SRBD1: variants seen among roughly 807,000 people sequenced by gnomAD.
SRBD1 encodes S1 RNA-binding domain-containing protein 1.
In SRBD1, 88 loss-of-function variants were observed where a neutral mutation model predicts 115.3. That is an observed-to-expected ratio of 0.76 (90% CI 0.64 to 0.91). SRBD1 has a LOEUF of 0.91. Ranked by LOEUF, SRBD1 falls within the 40% of genes least tolerant of loss-of-function variation. SRBD1 has a pLI of 0.00. For missense variants in SRBD1, 1,385 were observed against 1,177.4 expected (o/e 1.18, Z -2.58); for synonymous variants, 509 against 407.7 (o/e 1.25, Z -2.99).
intron 4 of SRBD1, among the ~76,000 whole-genome samples, chr2:45,597,931 C>G (rs761966563): frequency 6.6e-6 from 1 of 152,148 alleles, no homozygotes; most frequent in African/African-American, 2.4e-5. Context: ...ACTTCACAGT[C>G]TAAAACTTCT....
chr2:45,568,562 C>T (rs188153646), intron 9 of SRBD1, among the ~76,000 whole-genome samples: 103 of 152,252 alleles, frequency 6.8e-4, no homozygotes, highest in African/African-American at 2.4e-3. Flanking sequence ...GCTCTGCTTT[C>T]CCAGGCCTGA....
At chr2:45,591,583 G>C (rs1673726215) in intron 4 of SRBD1, among the ~76,000 whole-genome samples, 1 of 152,186 alleles carries the variant, frequency 6.6e-6, no homozygotes, top group South Asian at 2.1e-4. Flanking sequence ...GATCAGGTGA[G>C]AAATGGAAAG....
chr2:45,526,278 G>C (rs938942167), intron 14 of SRBD1, among the ~76,000 whole-genome samples: 3 of 152,014 alleles, frequency 2.0e-5, no homozygotes, highest in Non-Finnish European at 2.9e-5. Flanking sequence ...CCATAAAAAG[G>C]AATGAAGTTC....
intron 19 of SRBD1, among the ~76,000 whole-genome samples, chr2:45,410,023 C>T (rs1468367544): frequency 6.6e-6 from 1 of 152,074 alleles, no homozygotes; most frequent in Non-Finnish European, 1.5e-5. Flanking sequence ...ATTTTTATAT[C>T]TGCAGAATAT....
intron 10 of SRBD1, among the ~76,000 whole-genome samples, chr2:45,557,011 T>C (rs1018425508): frequency 2.0e-5 from 3 of 152,158 alleles, no homozygotes; most frequent in Admixed American, 2.0e-4. Flanking sequence ...GTTTTTTTAA[T>C]GAATTGTAGT....
chr2:45,406,048 T>C (rs942767582), intron 19 of SRBD1, among the ~76,000 whole-genome samples: 3 of 152,064 alleles, frequency 2.0e-5, no homozygotes, highest in Admixed American at 2.0e-4. Flanking sequence ...CAAGAGACAG[T>C]TAGTTATAAA....
chr2:45,578,796 T>C (rs1379389491), intron 7 of SRBD1, among the ~76,000 whole-genome samples: 1 of 152,144 alleles, frequency 6.6e-6, no homozygotes, highest in African/African-American at 2.4e-5. Context: ...GGGCTACAGT[T>C]AATAATATCG....
chr2:45,577,493 G>A (rs7578344), intron 7 of SRBD1, among the ~76,000 whole-genome samples: 13,309 of 152,014 alleles, frequency 0.088, 1,082 homozygotes, highest in African/African-American at 0.22. Flanking sequence ...CACTTTCTCC[G>A]CACTTAAGCT....
intron 7 of SRBD1, among the ~76,000 whole-genome samples, chr2:45,579,494 C>T (rs912824879): frequency 2.0e-5 from 3 of 152,014 alleles, no homozygotes; most frequent in Non-Finnish European, 4.4e-5. Context: ...CAGCTATTAT[C>T]TTAAAAGATG....
chr2:45,466,313 T>A (rs1314394563), intron 16 of SRBD1, among the ~76,000 whole-genome samples: 1 of 152,052 alleles, frequency 6.6e-6, no homozygotes, highest in Non-Finnish European at 1.5e-5. Context: ...TCCTCTCCAT[T>A]TTCTTCCTTA....
intron 15 of SRBD1, among the ~76,000 whole-genome samples, chr2:45,480,501 T>C (rs1407162151): frequency 3.3e-5 from 5 of 152,156 alleles, no homozygotes; most frequent in Non-Finnish European, 7.3e-5. Flanking sequence ...GTCGTGGAAA[T>C]AGGAAGAAAA....
chr2:45,492,022 G>A (rs546188493), intron 14 of SRBD1, among the ~76,000 whole-genome samples: 6 of 152,050 alleles, frequency 3.9e-5, no homozygotes, highest in Admixed American at 1.3e-4. Flanking sequence ...GGGTTTTGCC[G>A]TGTTGGTCAG....
At chr2:45,474,572 T>A (rs1198088637) in intron 16 of SRBD1, among the ~76,000 whole-genome samples, 1 of 152,232 alleles carries the variant, frequency 6.6e-6, no homozygotes. Context: ...AGTACAGGCC[T>A]AGCTTTGCTA....
In SRBD1 at chr2:45,488,302, T is replaced by C. The variant is rs1275319431; in HGVS notation, c.1904A>G (p.Tyr635Cys). The C allele has an allele frequency of 6.2e-7, 1 of 1,613,804 alleles. No homozygotes were observed. The highest frequency in any genetic ancestry group is 8.5e-7 in the Non-Finnish European group (1 of 1,179,964). The change falls in exon 15 of 21, where the codon TAC (tyrosine) becomes TGC (cysteine). Residue 635 changes from tyrosine (Y) to cysteine (C), a missense_variant. Transcript: ENST00000263736. ...TTTGTTAGCTTCAGGGCTGACACTG[T>C]AGATTGATGCTCCTGCTTCACTGAC... is the stretch of plus-strand genomic sequence containing the variant. ...CIVSEAGASI[Y>C]SVSPEANKEM... is the part of the protein sequence containing the mutation.
At chr2:45,529,952 T>C (rs1185729832) in intron 14 of SRBD1, among the ~76,000 whole-genome samples, 1 of 152,038 alleles carries the variant, frequency 6.6e-6, no homozygotes, top group Non-Finnish European at 1.5e-5. Flanking sequence ...ATTCCTAATA[T>C]ATTGCTGGAC....
At position 45,465,253 on chromosome 2, in the gene SRBD1, T is replaced by C. The variant is rs546117448; in HGVS notation, c.2049+11740A>G. On this transcript the variant is annotated intron_variant, in intron 16 of 20. Coordinates refer to ENST00000263736, the MANE Select transcript of SRBD1 (RefSeq NM_018079.5). ...CTATTTAAATAGTTGTTAAACTGTA[T>C]GGTTTAGGCAACAATGACACGGAAA... Among the ~76,000 whole-genome samples the C allele has an allele frequency of 1.4e-4, 22 of 152,310 alleles. 1 individual carries two copies. The highest frequency in any genetic ancestry group is 1.1e-3 in the Admixed American group (17 of 15,296).
intron 9 of SRBD1, among the ~76,000 whole-genome samples, chr2:45,572,575 G>A (rs1364702247): frequency 1.3e-5 from 2 of 151,978 alleles, no homozygotes; most frequent in East Asian, 3.8e-4. Flanking sequence ...GCTTCAGACT[G>A]GAATGAAAGG....
intron 15 of SRBD1, among the ~76,000 whole-genome samples, chr2:45,484,672 A>G (rs1670062423): frequency 6.6e-6 from 1 of 152,210 alleles, no homozygotes; most frequent in African/African-American, 2.4e-5. Flanking sequence ...GTGCCCCACC[A>G]TCTCCTATCA....
chr2:45,389,552 G>C lies in SRBD1; in HGVS notation c.2746C>G (p.Leu916Val), dbSNP rs750721792. ...FKRSIVCLED[L>V]QIGTVLTGKV... ...CCTGTAAGAACTGTCCCAATCTGCA[G>C]ATCTTCCAGGCATACTATGCTTCTC... is the stretch of plus-strand genomic sequence containing the variant. The change falls in exon 21 of 21, where the codon CTG (leucine) becomes GTG (valine). Residue 916 changes from leucine to valine, a missense_variant. Leu to Val is a conservative substitution (Grantham distance 32). Coordinates refer to ENST00000263736, the MANE Select transcript of SRBD1 (RefSeq NM_018079.5). 6.2e-7 allele frequency: 1 copy of C among 1,613,998 alleles called. No homozygotes were observed. The highest frequency in any genetic ancestry group is 1.1e-5 in the South Asian group (1 of 91,066).
Sources: allele counts gnomAD v4.1 joint callset (sites outside exome capture counted in the v4.1 genomes callset), GRCh38; gene constraint gnomAD v4.1.1; transcripts MANE v1.5; gene names NCBI Gene and HGNC (gene_info 2026-07-23, HGNC 2026-07-21).